The following CSMD3 variants were observed in gnomAD, a reference collection of about 807,000 sequenced individuals.
CSMD3 encodes CUB and sushi domain-containing protein 3.
In CSMD3, 177 loss-of-function variants were observed where a neutral mutation model predicts 435.2. The ratio of observed to expected loss-of-function variants is 0.41; its 90% CI spans 0.36 to 0.46. CSMD3 has a LOEUF of 0.46. CSMD3 is among the 20% of genes least tolerant of loss of function. The pLI, the probability that CSMD3 is intolerant of heterozygous loss-of-function variation, is 0.34. For synonymous variants in CSMD3, 1,656 were observed against 1,520.5 expected, an observed-to-expected ratio of 1.09 and a Z score of -2.07; for missense variants, 4,265 against 4,504.6, an observed-to-expected ratio of 0.95 and a Z score of 1.52.
chr8:112,595,404 GT>G (rs1320078508), intron 22 of CSMD3, among the ~76,000 whole-genome samples: 1 of 124,164 alleles, frequency 8.1e-6, no homozygotes, highest in Non-Finnish European at 1.7e-5. Flanking sequence ...GTACCTGAAA[GT>G]GATGGGGAGA....
chr8:112,319,440 T>C (rs1822782417), intron 46 of CSMD3, among the ~76,000 whole-genome samples: 1 of 152,118 alleles, frequency 6.6e-6, no homozygotes, highest in Admixed American at 6.6e-5. Context: ...GGGTTGAATT[T>C]CCAACTCAGT....
At chr8:113,069,981 T>C (rs1401752688) in intron 5 of CSMD3, among the ~76,000 whole-genome samples, 1 of 152,100 alleles carries the variant, frequency 6.6e-6, no homozygotes, top group Non-Finnish European at 1.5e-5. Flanking sequence ...GAAACACACC[T>C]TTGTTTACTA....
intron 28 of CSMD3, among the ~76,000 whole-genome samples, chr8:112,511,509 C>T (rs140399411): frequency 0.012 from 1,739 of 150,830 alleles, 30 homozygotes; most frequent in African/African-American, 0.039. Context: ...CCTTCCTCAG[C>T]CTCCTGAGTA....
At chr8:112,397,593 C>A (rs1830961074) in intron 35 of CSMD3, among the ~76,000 whole-genome samples, 1 of 152,100 alleles carries the variant, frequency 6.6e-6, no homozygotes, top group African/African-American at 2.4e-5. Context: ...CTGCTGAGGG[C>A]CCCTTTCCTG....
chr8:112,367,621 A>G (rs1283758795), intron 38 of CSMD3, among the ~76,000 whole-genome samples: 2 of 152,156 alleles, frequency 1.3e-5, no homozygotes, highest in Non-Finnish European at 2.9e-5. Flanking sequence ...CATTTCATCT[A>G]CACAACCACA....
At chr8:113,150,145 C>T (rs144230270) in intron 4 of CSMD3, among the ~76,000 whole-genome samples, 26 of 152,012 alleles carry the variant, frequency 1.7e-4, no homozygotes, top group African/African-American at 5.8e-4. Flanking sequence ...CAGAGATATA[C>T]ACTTTTGTAT....
At chr8:113,128,970 A>C (rs2091214718) in intron 4 of CSMD3, among the ~76,000 whole-genome samples, 1 of 152,162 alleles carries the variant, frequency 6.6e-6, no homozygotes, top group African/African-American at 2.4e-5. Flanking sequence ...CAGTTTACTG[A>C]AACATTTAAA....
intron 5 of CSMD3, among the ~76,000 whole-genome samples, chr8:113,032,496 A>T (rs10112610): frequency 0.66 from 100,376 of 151,100 alleles, 35,755 homozygotes; most frequent in East Asian, 0.95. Context: ...ATTTAGGGTA[A>T]CTGCCAGAAG....
chr8:113,231,926 T>C (rs2093092575), intron 3 of CSMD3, among the ~76,000 whole-genome samples: 1 of 151,554 alleles, frequency 6.6e-6, no homozygotes, highest in Non-Finnish European at 1.5e-5. Context: ...TTAAGAGTCA[T>C]TAGAAGTAAT....
At chr8:112,927,440 C>T (rs2082946569) in intron 9 of CSMD3, among the ~76,000 whole-genome samples, 1 of 152,038 alleles carries the variant, frequency 6.6e-6, no homozygotes, top group South Asian at 2.1e-4. Flanking sequence ...TTCAATCCAC[C>T]CCGCCTTGTC....
At chr8:112,421,625 T>C (rs1016610735) in intron 32 of CSMD3, among the ~76,000 whole-genome samples, 1 of 147,376 alleles carries the variant, frequency 6.8e-6, no homozygotes, top group Non-Finnish European at 1.5e-5. Flanking sequence ...TATACATATG[T>C]ACACATATAT....
chr8:112,976,256 C>A, intron 6 of CSMD3, 108 bp from the exon 7 acceptor site: 1 of 1,318,492 alleles, frequency 7.6e-7, no homozygotes, highest in Non-Finnish European at 1.1e-6. Context: ...TAAGGATAAT[C>A]AACATGAAGA....
intron 4 of CSMD3, among the ~76,000 whole-genome samples, chr8:113,123,649 T>C (rs997934678): frequency 1.3e-5 from 2 of 151,976 alleles, no homozygotes; most frequent in Admixed American, 6.6e-5. Flanking sequence ...TGTAAACCAG[T>C]GGTTCTAGTC....
intron 10 of CSMD3, among the ~76,000 whole-genome samples, chr8:112,872,639 C>A (rs2081168898): frequency 6.6e-6 from 1 of 151,942 alleles, no homozygotes; most frequent in Non-Finnish European, 1.5e-5. Context: ...CGCTGCCTCC[C>A]TTTGCTCCTT....
intron 22 of CSMD3, among the ~76,000 whole-genome samples, chr8:112,594,314 T>A (rs182195848): frequency 7.2e-5 from 11 of 152,290 alleles, no homozygotes; most frequent in Non-Finnish European, 1.3e-4. Context: ...TCGGACCGGC[T>A]TAAAAAACGG....
At chr8:112,546,074 A>G (rs1827155621) in intron 27 of CSMD3, among the ~76,000 whole-genome samples, 1 of 152,232 alleles carries the variant, frequency 6.6e-6, no homozygotes, top group East Asian at 1.9e-4. Flanking sequence ...TTTCAGGAAT[A>G]TGGAAGAGAG....
At chr8:112,552,502 A>G in intron 26 of CSMD3, 92 bp downstream of exon 26, 1 of 1,323,642 alleles carries the variant, frequency 7.6e-7, no homozygotes, top group Middle Eastern at 2.0e-4. Flanking sequence ...ACAAACAAAC[A>G]AAAAATGAAA....
At chr8:112,922,811 T>C (rs2082787217) in intron 9 of CSMD3, among the ~76,000 whole-genome samples, 1 of 152,094 alleles carries the variant, frequency 6.6e-6, no homozygotes, top group South Asian at 2.1e-4. Flanking sequence ...TTAATCCGTA[T>C]AACCAAAGAG....
In CSMD3 at chr8:113,085,248, AAC is replaced by A. The variant is rs552790932; in HGVS notation, c.917+13506_917+13507del. Among the ~76,000 whole-genome samples, 1,312 of 145,802 alleles carry A rather than the reference AAC, an allele frequency of 9.0e-3. 23 individuals carry two copies. Among genetic ancestry groups the A allele is most frequent in the African/African-American group, 0.03 (1,223 of 40,510 alleles). On this transcript the variant is annotated intron_variant, in intron 5 of 70. Coordinates refer to ENST00000297405, the MANE Select transcript of CSMD3 (RefSeq NM_198123.2). ...AATTCAAACAACTCAGCCAAAAAAA[AAC>A]CACCCACAAATAATTCAGTTAAAAG...
Sources: allele counts gnomAD v4.1 joint callset (sites outside exome capture counted in the v4.1 genomes callset), GRCh38; gene constraint gnomAD v4.1.1; transcripts MANE v1.5; gene names NCBI Gene and HGNC (gene_info 2026-07-23, HGNC 2026-07-21).